Variants in WDR13 observed in about 807,000 individuals in gnomAD.
The protein encoded by WDR13 is WD repeat-containing protein 13.
WDR13 carries 1 observed loss-of-function variant against 28.6 expected under a neutral mutation model. The ratio of observed to expected loss-of-function variants is 0.03; its 90% confidence interval spans 0.01 to 0.17. WDR13 has a LOEUF of 0.17. WDR13 is among the 10% of genes least tolerant of loss of function. WDR13 has a pLI of 1.00. For synonymous variants in WDR13, 201 were observed against 185.9 expected (o/e 1.08, Z -0.66); for missense variants, 264 against 469.3 (o/e 0.56, Z 4.04).
chrX:48,599,686 T>C lies in WDR13; in HGVS notation c.492T>C (p.Tyr164=), dbSNP rs1556993855. Residue 164 remains tyrosine (Y), a synonymous_variant, in exon 5 of 10, where the codon TAT becomes TAC. Coordinates refer to ENST00000376729, the MANE Select transcript of WDR13 (RefSeq NM_001347217.2). Reference sequence around the variant, plus strand: ...AGAACTATGCCTTTGCGGGCATGTATCATGTTTTTGACCAGCACGTGGATG... The same window carrying C: ...AGAACTATGCCTTTGCGGGCATGTACCATGTTTTTGACCAGCACGTGGATG... ...LSENYAFAGM[Y]HVFDQHVDEA... 1 of 1,212,296 alleles carries C rather than the reference T, an allele frequency of 8.2e-7. No homozygotes were observed. The highest frequency in any genetic ancestry group is 3.0e-5 in the East Asian group (1 of 33,849).
Position 48,605,301 on chromosome X carries a change from T to G in WDR13, c.*269T>G, listed in dbSNP as rs2147230241. 8.2e-6 allele frequency: 3 copies of G among 366,822 alleles called. No individual in the cohort carries two copies. In the East Asian group the frequency reaches 1.3e-4, roughly 16 times the overall value. The allele number at this position is 366,822 out of a possible 1,213,427, so 30.2% of individuals were successfully genotyped here. A position where few individuals can be genotyped will look rare whatever the true frequency, so the allele number is the denominator to read the frequency against. On this transcript the variant is annotated 3_prime_UTR_variant, in exon 10 of 10. Coordinates refer to ENST00000376729, the MANE Select transcript of WDR13 (RefSeq NM_001347217.2). ...GCCCTGCCTTAACTGTTTTACACAC[T>G]TATGCATTCGATAGACATTAGTGAG...
chrX:48,598,554 C>A, intron 2 of WDR13, 163 bp from the exon 3 acceptor site: 1 of 1,078,213 alleles, frequency 9.3e-7, no homozygotes, highest in Non-Finnish European at 1.2e-6. Context: ...GACTCACTCC[C>A]ACCACAGGAC....
In WDR13 at chrX:48,598,869, G is replaced by A. The variant is rs2062162392; in HGVS notation, c.194G>A (p.Arg65His). The change falls in exon 3 of 10, where the codon CGC (arginine) becomes CAC (histidine). Residue 65 changes from arginine (R) to histidine (H), a missense_variant. Physicochemically the swap from Arg to His is conservative, Grantham distance 29. Coordinates refer to ENST00000376729, the MANE Select transcript of WDR13 (RefSeq NM_001347217.2). ...LRLRGQLLGQ[R>H]YGPLSEPGSA... ...CTTCGGGGGCAGCTGCTGGGCCAGC[G>A]CTACGGGCCCCTCTCCGAGCCAGGC... 4.1e-6 allele frequency: 5 copies of A among 1,207,130 alleles called. No individual in the cohort carries two copies. Among genetic ancestry groups the A allele is most frequent in the Non-Finnish European group, 4.5e-6 (4 of 894,058 alleles).
chrX:48,598,033 G>A lies in WDR13; in HGVS notation c.37G>A (p.Ala13Thr). 1 of 1,165,380 alleles carries A rather than the reference G, an allele frequency of 8.6e-7. No homozygotes were observed. The highest frequency in any genetic ancestry group is 1.1e-6 in the Non-Finnish European group (1 of 872,189). The change falls in exon 2 of 10, where the codon GCG becomes ACG. Residue 13 changes from alanine to threonine, a missense_variant. Transcript: ENST00000376729. ...GTGGCAGCAAGTCTTAGCAGTGGAC[G>A]CGAGGTGAGGCGTGGGGTCAAAGCC... ...AVWQQVLAVD[A>T]RYNAYRTPTF...
chrX:48,598,978 A>AC (rs781875471), intron 3 of WDR13, 21 bp downstream of exon 3: 1 of 1,179,784 alleles, frequency 8.5e-7, no homozygotes, highest in Non-Finnish European at 1.1e-6. Flanking sequence ...GGCCACATTC[A>AC]CCCCCGGGCA....
At chrX:48,602,868 C>T (rs1226289254) in intron 8 of WDR13, among the ~76,000 whole-genome samples, 1 of 110,946 alleles carries the variant, frequency 9.0e-6, no homozygotes, top group Non-Finnish European at 1.9e-5. Context: ...TTTAAGCGTA[C>T]CCTTAAGTTT....
rs138498235 is a variant in WDR13 at position 48,604,320 on chromosome X, C to T, written c.1203C>T (p.Ile401=). The change falls in exon 9 of 10, where the codon ATC becomes ATT. Residue 401 remains isoleucine, a synonymous_variant. Coordinates refer to ENST00000376729, the MANE Select transcript of WDR13 (RefSeq NM_001347217.2). ...GTLQLKRSFP[I]EQSSHPVRSI... ...TGCAGCTGAAGAGAAGCTTCCCCAT[C>T]GAGCAGAGCTCACATCCTGTGCGCA... 169 of 1,209,580 alleles carry T rather than the reference C, an allele frequency of 1.4e-4. No homozygotes were observed. Among genetic ancestry groups the T allele is most frequent in the South Asian group, 7.1e-5 (4 of 56,643 alleles).
At position 48,600,544 on chromosome X, in the gene WDR13, G is replaced by A. The variant is rs782017206; in HGVS notation, c.749G>A (p.Arg250His). The change falls in exon 6 of 10, where the codon CGC becomes CAC. Residue 250 changes from arginine to histidine, a missense_variant. Coordinates refer to ENST00000376729, the MANE Select transcript of WDR13 (RefSeq NM_001347217.2). ...TMRIWASEDG[R>H]CIREIPDPDS... Reference sequence around the variant, plus strand: ...CGCATCTGGGCCTCTGAGGATGGTCGCTGCATCCGAGAGATCCCTGACCCC... The same window carrying A: ...CGCATCTGGGCCTCTGAGGATGGTCACTGCATCCGAGAGATCCCTGACCCC... 1.4e-5 allele frequency: 17 copies of A among 1,210,502 alleles called. No homozygotes were observed. Among genetic ancestry groups the A allele is most frequent in the Non-Finnish European group, 1.8e-5 (16 of 895,300 alleles).
intron 6 of WDR13, 83 bp from the exon 7 acceptor site, chrX:48,601,701 G>C: frequency 8.2e-6 from 8 of 975,150 alleles, no homozygotes; most frequent in Non-Finnish European, 1.1e-5. Context: ...CCAGCCAGTC[G>C]CATCAACAGC....
At chrX:48,599,168 G>A in intron 3 of WDR13, 185 bp from the exon 4 acceptor site, 1 of 681,655 alleles carries the variant, frequency 1.5e-6, no homozygotes, top group Non-Finnish European at 2.2e-6. Context: ...CTGCTGAGCA[G>A]GGGGAGGGCA....
chrX:48,602,308 G>A lies in WDR13; in HGVS notation c.1154+102G>A, dbSNP rs1409823508. On this transcript the variant is annotated intron_variant, in intron 8 of 9. Transcript: ENST00000376729. The stretch of plus-strand genomic sequence containing the variant: ...CCATCAGGTTAATTTAATTGAGGGA[G>A]CAGTAGTAGCAGTAACAGTAATAGC... 8.8e-6 allele frequency: 8 copies of A among 907,754 alleles called. No individual in the cohort carries two copies. The Admixed American group carries it at 1.1e-4, about 13-fold the overall frequency. The allele number at this position is 907,754 out of a possible 1,213,427, so 74.8% of individuals were successfully genotyped here. A position where few individuals can be genotyped will look rare whatever the true frequency, so the allele number is the denominator to read the frequency against.
At position 48,600,635 on chromosome X, in the gene WDR13, C is replaced by G. The variant is rs782454757; in HGVS notation, c.831+9C>G. The G allele has an allele frequency of 1.7e-6, 2 of 1,203,218 alleles. No homozygotes were observed. The highest frequency in any genetic ancestry group is 2.2e-5 in the Admixed American group (1 of 45,174). The stretch of plus-strand genomic sequence containing the variant: ...ACAACAACCTCACTGTGGTCAGGCT[C>G]CAGGACACCCACTCACCAAGGGCTG... On this transcript the variant is annotated intron_variant, in intron 6 of 9. Transcript: ENST00000376729.
In WDR13 at chrX:48,608,035, G is replaced by T. The variant is rs2062232164; in HGVS notation, c.*3003G>T. ...TCCGCCTGCCTCGACCTCCCAAAGT[G>T]CTGGGATTACAGGCATGAGCCACCG... is the stretch of plus-strand genomic sequence containing the variant. On this transcript the variant is annotated 3_prime_UTR_variant, in exon 10 of 10. Coordinates refer to ENST00000376729, the MANE Select transcript of WDR13 (RefSeq NM_001347217.2). 1 of 110,518 alleles carries T rather than the reference G, an allele frequency of 9.0e-6. No homozygotes were observed. The highest frequency in any genetic ancestry group is 1.9e-5 in the Non-Finnish European group (1 of 52,921). 9.1% of individuals were successfully genotyped at this position (110,518 alleles called of 1,213,427 possible).
In WDR13 at chrX:48,599,725, A is replaced by AGTG. The variant is rs782446793; in HGVS notation, c.523+10_523+12dup. The AGTG allele has an allele frequency of 8.3e-7, 1 of 1,210,708 alleles. No individual in the cohort carries two copies. Among genetic ancestry groups the AGTG allele is most frequent in the African/African-American group, 1.7e-5 (1 of 57,713 alleles). On this transcript the variant is annotated intron_variant, in intron 5 of 9. Coordinates refer to ENST00000376729, the MANE Select transcript of WDR13 (RefSeq NM_001347217.2). ...AGCACGTGGATGAGGCAGGTGAGCC[A>AGTG]GTGGGTAGCGGGTTCCATCACCAAG...
Position 48,605,413 on chromosome X carries a change from G to C in WDR13, c.*381G>C, listed in dbSNP as rs1386336076. 1 of 158,801 alleles carries C rather than the reference G, an allele frequency of 6.3e-6. No homozygotes were observed. Among genetic ancestry groups the C allele is most frequent in the Non-Finnish European group, 1.2e-5 (1 of 81,786 alleles). 13.1% of individuals were successfully genotyped at this position (158,801 alleles called of 1,213,427 possible). A position where few individuals can be genotyped will look rare whatever the true frequency, so the allele number is the denominator to read the frequency against. On this transcript the variant is annotated 3_prime_UTR_variant, in exon 10 of 10. Coordinates refer to ENST00000376729, the MANE Select transcript of WDR13 (RefSeq NM_001347217.2). ...GGAAATGCCTGCCTTCATTGGGCTT[G>C]CATCATAGCGGAGACAGTAGATAAA...
Position 48,605,088 on chromosome X carries a change from GT to G in WDR13, c.*58del, listed in dbSNP as rs3830687. On this transcript the variant is annotated 3_prime_UTR_variant, in exon 10 of 10. Coordinates refer to ENST00000376729, the MANE Select transcript of WDR13 (RefSeq NM_001347217.2). Reference sequence around the variant, plus strand: ...CCCACCCCTCTTACTCCAGCCTCGTGTTGTAAATAAAGTTTCGGTGGTCATG... The same window carrying G: ...CCCACCCCTCTTACTCCAGCCTCGTGTGTAAATAAAGTTTCGGTGGTCATG... The G allele has an allele frequency of 5.4e-5, 62 of 1,150,323 alleles. No individual in the cohort carries two copies. The East Asian group carries it at 1.7e-3, about 31-fold the overall frequency. The allele number at this position is 1,150,323 out of a possible 1,213,427, so 94.8% of individuals were successfully genotyped here.
At position 48,600,638 on chromosome X, in the gene WDR13, G is replaced by A. The variant is rs782738787; in HGVS notation, c.831+12G>A. The A allele has an allele frequency of 8.3e-7, 1 of 1,203,329 alleles. No individual in the cohort carries two copies. Among genetic ancestry groups the A allele is most frequent in the East Asian group, 3.0e-5 (1 of 33,311 alleles). On this transcript the variant is annotated intron_variant, in intron 6 of 9. Transcript: ENST00000376729. ...ACAACCTCACTGTGGTCAGGCTCCA[G>A]GACACCCACTCACCAAGGGCTGGTG...
chrX:48,607,394 G>GGGGGTT lies in WDR13; in HGVS notation c.*2362_*2363insGGGGTT, dbSNP rs1556996248. On this transcript the variant is annotated 3_prime_UTR_variant, in exon 10 of 10. Transcript: ENST00000376729. Reference sequence around the variant, plus strand: ...GTTTTTTTTTGGCGGGGGGGGGGGGGTCTTGCTCTGACGCCCAGGCTGGAA... The same window carrying GGGGGTT: ...GTTTTTTTTTGGCGGGGGGGGGGGGGGGGGTTTCTTGCTCTGACGCCCAGGCTGGAA... 1.1e-4 allele frequency: 4 copies of GGGGGTT among 37,908 alleles called. No individual in the cohort carries two copies. The highest frequency in any genetic ancestry group is 1.3e-3 in the East Asian group (1 of 795). 3.1% of individuals were successfully genotyped at this position (37,908 alleles called of 1,213,427 possible).
intron 5 of WDR13, 200 bp from the exon 6 acceptor site, chrX:48,600,119 A>T: frequency 2.3e-6 from 1 of 439,328 alleles, no homozygotes; most frequent in Non-Finnish European, 3.8e-6. Flanking sequence ...TCTGCAAAGG[A>T]GCTGCTAAGA....
Sources: allele counts gnomAD v4.1 joint callset (sites outside exome capture counted in the v4.1 genomes callset), GRCh38; gene constraint gnomAD v4.1.1; transcripts MANE v1.5; gene names NCBI Gene and HGNC (gene_info 2026-07-23, HGNC 2026-07-21).